CYP2C8: variants seen among roughly 807,000 people sequenced by gnomAD.
The protein encoded by CYP2C8 is cytochrome P450 2C8.
A neutral mutation model predicts 41.3 loss-of-function variants in CYP2C8; 51 were observed. That is an observed-to-expected ratio of 1.24 (90% CI 0.99 to 1.56). The LOEUF (loss-of-function observed/expected upper bound fraction) is 1.56. Ranked by LOEUF, CYP2C8 falls within the 40% of genes most tolerant of loss-of-function variation. The pLI is 0.00. For synonymous variants in CYP2C8, 218 were observed against 205.8 expected (o/e 1.06, Z -0.51); for missense variants, 651 against 579.9 (o/e 1.12, Z -1.26).
At chr10:95,066,153 A>AGTGTGTGTGT (rs113983526) in intron 3 of CYP2C8, among the ~76,000 whole-genome samples, 6 of 88,286 alleles carry the variant, frequency 6.8e-5, no homozygotes, top group African/African-American at 1.8e-4. Context: ...AGAGAGAGAG[A>AGTGTGTGTGT]GTGTGTGTGT....
At chr10:95,038,493 T>C (rs1284591488) in intron 8 of CYP2C8, among the ~76,000 whole-genome samples, 5 of 152,198 alleles carry the variant, frequency 3.3e-5, no homozygotes, top group Admixed American at 2.0e-4. Flanking sequence ...GTTGTGCCCT[T>C]GGAGCTCAGC....
chr10:95,045,875 G>C lies in CYP2C8; in HGVS notation c.896C>G (p.Thr299Arg). Residue 299 changes from threonine (T) to arginine (R), a missense_variant, in exon 6 of 9, where the codon ACA (threonine) becomes AGA (arginine). Physicochemically the swap from Thr to Arg is moderately conservative, Grantham distance 71. Coordinates refer to ENST00000371270, the MANE Select transcript of CYP2C8 (RefSeq NM_000770.3). ...TCTCAGAGTGGTGCTTGTTGTCTCT[G>C]TTCCAGCAACAAATAGATCAGCTAC... ...GTVADLFVAG[T>R]ETTSTTLRYG... 1 of 1,614,054 alleles carries C rather than the reference G, an allele frequency of 6.2e-7. No individual in the cohort carries two copies. The highest frequency in any genetic ancestry group is 8.5e-7 in the Non-Finnish European group (1 of 1,179,934).
Position 95,067,680 on chromosome 10 carries a change from G to A in CYP2C8, c.180C>T (p.Val60=), listed in dbSNP as rs770498467. The change falls in exon 2 of 9, where the codon GTC becomes GTT. Residue 60 remains valine, a synonymous_variant. Coordinates refer to ENST00000371270, the MANE Select transcript of CYP2C8 (RefSeq NM_000770.3). ...AATACACGGTGAACACAGGACCATA[G>A]ACTTTTGAGAACTGGGAAAGGAAAT... ...ICKSFTNFSK[V]YGPVFTVYFG... 1.2e-6 allele frequency: 2 copies of A among 1,614,130 alleles called. No individual in the cohort carries two copies. Among genetic ancestry groups the A allele is most frequent in the Admixed American group, 3.3e-5 (2 of 59,984 alleles).
intron 6 of CYP2C8, among the ~76,000 whole-genome samples, chr10:95,045,141 G>C (rs1444152646): frequency 6.6e-6 from 1 of 152,222 alleles, no homozygotes; most frequent in Non-Finnish European, 1.5e-5. Context: ...AGGAAATGTA[G>C]AGTTTACTCT....
rs772735894 is a variant in CYP2C8, at chr10:95,067,593, A to G, written c.267T>C (p.Asp89=). 7 of 1,613,998 alleles carry G rather than the reference A, an allele frequency of 4.3e-6. No homozygotes were observed. In the South Asian group the frequency reaches 5.5e-5, roughly 13 times the overall value. Residue 89 remains aspartate, a synonymous_variant, in exon 2 of 9, where the codon GAT becomes GAC. Coordinates refer to ENST00000371270, the MANE Select transcript of CYP2C8 (RefSeq NM_000770.3). The part of the protein sequence containing the change: ...GYEAVKEALI[D]NGEEFSGRGN... ...CTCTTCCAGAAAACTCCTCTCCATT[A>G]TCAATCAGGGCTTCCTTCACTGCCT...
Position 95,069,276 on chromosome 10 carries a change from G to C in CYP2C8, c.127C>G (p.Leu43Val). ...PTPLPIIGNM[L>V]QIDVKDICKS... ...CAGATGTCCTTAACATCTATCTGTA[G>C]CATATTTCCAATAATAGGAAGAGGA... Residue 43 changes from leucine (L) to valine (V), a missense_variant, in exon 1 of 9, where the codon CTA becomes GTA. Leu to Val is a conservative substitution (Grantham distance 32, BLOSUM62 1). Transcript: ENST00000371270. The C allele has an allele frequency of 6.2e-7, 1 of 1,614,044 alleles. No individual in the cohort carries two copies. The highest frequency in any genetic ancestry group is 8.5e-7 in the Non-Finnish European group (1 of 1,179,942).
chr10:95,037,802 T>C (rs1041489288), intron 8 of CYP2C8, among the ~76,000 whole-genome samples: 1 of 152,210 alleles, frequency 6.6e-6, no homozygotes, highest in Non-Finnish European at 1.5e-5. Flanking sequence ...GTTTCAAGTT[T>C]CATATCCTGT....
intron 3 of CYP2C8, among the ~76,000 whole-genome samples, chr10:95,066,780 G>T (rs1312180955): frequency 1.3e-5 from 2 of 152,122 alleles, no homozygotes; most frequent in African/African-American, 4.8e-5. Context: ...ATATAACTTG[G>T]TTCATATTTC....
In CYP2C8 at chr10:95,040,942, T is replaced by C. The variant is rs779671095; in HGVS notation, c.1150-1904A>G. On this transcript the variant is annotated intron_variant, in intron 7 of 8. Transcript: ENST00000371270. ...CTCACCTAGTTTTATGCAGCCAGCA[T>C]TATCTTGTTATCAAAGCTCTGAAAA... 6 of 456,158 alleles carry C rather than the reference T, an allele frequency of 1.3e-5. No individual in the cohort carries two copies. In the East Asian group the frequency reaches 4.2e-4, roughly 32 times the overall value. The allele number at this position is 456,158 out of a possible 1,614,324, so 28.3% of individuals were successfully genotyped here.
chr10:95,064,331 G>C lies in CYP2C8; in HGVS notation c.642+469C>G, dbSNP rs577157434. Among the ~76,000 whole-genome samples, 6 of 152,242 alleles carry C rather than the reference G, an allele frequency of 3.9e-5. No individual in the cohort carries two copies. The South Asian group carries it at 1.0e-3, about 26-fold the overall frequency. The stretch of plus-strand genomic sequence containing the variant: ...ACCTACTCAAGCCTCAGCAATGGTG[G>C]ACACCCCTCCCCCAGCCTCGCTGCT... On this transcript the variant is annotated intron_variant, in intron 4 of 8. Coordinates refer to ENST00000371270, the MANE Select transcript of CYP2C8 (RefSeq NM_000770.3).
At chr10:95,063,084 T>C (rs993397929) in intron 4 of CYP2C8, among the ~76,000 whole-genome samples, 10 of 152,338 alleles carry the variant, frequency 6.6e-5, no homozygotes, top group Admixed American at 2.0e-4. Flanking sequence ...TTTTCCTTCA[T>C]TTCAACTTTG....
At chr10:95,039,348 C>T (rs2032951923) in intron 7 of CYP2C8, 1 of 360,622 alleles carries the variant, frequency 2.8e-6, no homozygotes, top group Middle Eastern at 9.0e-4. Flanking sequence ...AAATTTGACA[C>T]ATCTTGTATT....
intron 5 of CYP2C8, among the ~76,000 whole-genome samples, chr10:95,056,251 C>A (rs577726703): frequency 6.6e-6 from 1 of 152,136 alleles, no homozygotes; most frequent in African/African-American, 2.4e-5. Flanking sequence ...CAGAAAATTA[C>A]AAATATTGGC....
At chr10:95,037,791 A>G (rs1292032998) in intron 8 of CYP2C8, among the ~76,000 whole-genome samples, 1 of 152,160 alleles carries the variant, frequency 6.6e-6, no homozygotes, top group Non-Finnish European at 1.5e-5. Context: ...CACACCATGA[A>G]GTTTCAAGTT....
chr10:95,041,198 T>A (rs2134408161), intron 7 of CYP2C8, among the ~76,000 whole-genome samples: 1 of 152,276 alleles, frequency 6.6e-6, no homozygotes, highest in South Asian at 2.1e-4. Context: ...AGAAAAAACT[T>A]CCCTAATCTG....
intron 5 of CYP2C8, among the ~76,000 whole-genome samples, chr10:95,050,641 C>G (rs1020324206): frequency 6.6e-6 from 1 of 152,174 alleles, no homozygotes; most frequent in African/African-American, 2.4e-5. Context: ...CCAGAGAATT[C>G]TCTTGGATCT....
intron 1 of CYP2C8, 125 bp from the exon 2 acceptor site, chr10:95,067,816 T>C: frequency 9.5e-7 from 1 of 1,047,268 alleles, no homozygotes; most frequent in East Asian, 2.6e-5. Flanking sequence ...AGATTCGATA[T>C]TTCTGAATTT....
chr10:95,067,452 G>A, intron 2 of CYP2C8, 77 bp downstream of exon 2: 2 of 1,612,904 alleles, frequency 1.2e-6, no homozygotes, highest in South Asian at 1.1e-5. Flanking sequence ...AAGCTCTGCT[G>A]AGAAGCTTTT....
chr10:95,053,764 G>C (rs1564737617), intron 5 of CYP2C8, among the ~76,000 whole-genome samples: 1 of 152,048 alleles, frequency 6.6e-6, no homozygotes, highest in Non-Finnish European at 1.5e-5. Flanking sequence ...AGGGCCTGTT[G>C]GGGGGTGGGG....
Sources: gnomAD v4.1 joint callset for allele counts (sites outside exome capture counted in the v4.1 genomes callset) on GRCh38, gnomAD v4.1.1 for gene constraint, MANE v1.5 for transcripts, NCBI Gene and HGNC (gene_info 2026-07-23, HGNC 2026-07-21) for gene names.